CHPT1: variants seen among roughly 807,000 people sequenced by gnomAD.
The protein encoded by CHPT1 is choline phosphotransferase 1, also known as cholinephosphotransferase 1.
In CHPT1, 36 loss-of-function variants were observed where a neutral mutation model predicts 47.6. The observed-to-expected ratio is 0.76, with a 90% CI of 0.58 to 1.00. The LOEUF is 1.00. CHPT1 is among the 50% of genes least tolerant of loss of function. CHPT1 has a pLI of 0.00. For synonymous variants in CHPT1, 194 were observed against 186.3 expected (o/e 1.04, Z -0.33); for missense variants, 458 against 498.1 (o/e 0.92, Z 0.77).
chr12:101,721,142 G>A lies in CHPT1; in HGVS notation c.780+888G>A, dbSNP rs1219603691. ...ACCAAAAATACAAAAAAATTAGCTGGGCATGGTGGCCATGCTTTTGTAAAT... is the reference window on the plus strand; with the variant it reads ...ACCAAAAATACAAAAAAATTAGCTGAGCATGGTGGCCATGCTTTTGTAAAT... On this transcript the variant is annotated intron_variant, in intron 5 of 8. Coordinates refer to ENST00000229266, the MANE Select transcript of CHPT1 (RefSeq NM_020244.3). 3.3e-5 allele frequency among the ~76,000 whole-genome samples: 5 copies of A among 152,046 alleles called. No homozygotes were observed. In the East Asian group the frequency reaches 9.6e-4, roughly 29 times the overall value.
intron 2 of CHPT1, 121 bp downstream of exon 2, chr12:101,714,358 G>C: frequency 8.4e-7 from 1 of 1,191,032 alleles, no homozygotes; most frequent in Non-Finnish European, 1.2e-6. Context: ...TGTTTAAAAA[G>C]TATGTCAAGA....
chr12:101,698,037 T>C lies in CHPT1; in HGVS notation c.176T>C (p.Leu59Pro). Residue 59 changes from leucine (L) to proline (P), a missense_variant, in exon 1 of 9, where the codon CTC (leucine) becomes CCC (proline). By Grantham distance (98) the Leu-to-Pro change is moderately conservative (BLOSUM62 -3). Coordinates refer to ENST00000229266, the MANE Select transcript of CHPT1 (RefSeq NM_020244.3). ...ACCTGGCTGCTCCAGTGGATCCCGC[T>C]CTGGATGGCCCCCAACTCCATCACC... Reference protein sequence around the residue: ...YWTWLLQWIPLWMAPNSITLL... With the variant: ...YWTWLLQWIPPWMAPNSITLL... The C allele has an allele frequency of 6.3e-7, 1 of 1,580,798 alleles. No homozygotes were observed. The highest frequency in any genetic ancestry group is 8.5e-7 in the Non-Finnish European group (1 of 1,171,980).
intron 8 of CHPT1, chr12:101,728,577 T>G (rs1468561757): frequency 1.4e-5 from 3 of 212,398 alleles, no homozygotes; most frequent in Non-Finnish European, 2.8e-5. Context: ...CGTTTTTTCC[T>G]TAAAGAACAT....
intron 1 of CHPT1, among the ~76,000 whole-genome samples, chr12:101,701,008 G>A (rs1951546880): frequency 6.6e-6 from 1 of 152,090 alleles, no homozygotes; most frequent in Non-Finnish European, 1.5e-5. Context: ...ACTCATATAG[G>A]CTTTAATACT....
intron 5 of CHPT1, 55 bp from the exon 6 acceptor site, chr12:101,723,113 A>G (rs983175764): frequency 3.4e-6 from 5 of 1,487,638 alleles, no homozygotes; most frequent in East Asian, 2.3e-5. Context: ...AAATGTCTAC[A>G]TTGTAATAAA....
intron 1 of CHPT1, among the ~76,000 whole-genome samples, chr12:101,699,385 TC>T: frequency 3.7e-5 from 4 of 108,962 alleles, no homozygotes; most frequent in Admixed American, 1.1e-4. Flanking sequence ...ATTATGTATT[TC>T]TTTTCTTTTT....
chr12:101,700,765 C>T (rs1951544015), intron 1 of CHPT1, among the ~76,000 whole-genome samples: 1 of 152,216 alleles, frequency 6.6e-6, no homozygotes, highest in South Asian at 2.1e-4. Flanking sequence ...AATGGCCCTC[C>T]TACCACCTCA....
chr12:101,699,003 C>T (rs1951509518), intron 1 of CHPT1, among the ~76,000 whole-genome samples: 1 of 152,086 alleles, frequency 6.6e-6, no homozygotes, highest in Admixed American at 6.5e-5. Context: ...TGAGTGTAGG[C>T]CTTGTGGAGG....
At chr12:101,724,435 G>A (rs1338252734) in intron 7 of CHPT1, among the ~76,000 whole-genome samples, 1 of 152,056 alleles carries the variant, frequency 6.6e-6, no homozygotes, top group Non-Finnish European at 1.5e-5. Context: ...GTACAAAGAT[G>A]CCAAAAACCA....
chr12:101,716,906 T>C, intron 4 of CHPT1, 94 bp downstream of exon 4: 1 of 741,242 alleles, frequency 1.3e-6, no homozygotes, highest in Non-Finnish European at 2.0e-6. Context: ...TCCTTGGCAT[T>C]GTATTTAATT....
intron 1 of CHPT1, among the ~76,000 whole-genome samples, chr12:101,703,492 A>G (rs1482291551): frequency 6.6e-6 from 1 of 152,246 alleles, no homozygotes; most frequent in Non-Finnish European, 1.5e-5. Flanking sequence ...GCCGCAGCTT[A>G]TAACCTGCCT....
At chr12:101,706,255 C>T (rs1014439543) in intron 1 of CHPT1, among the ~76,000 whole-genome samples, 1 of 151,270 alleles carries the variant, frequency 6.6e-6, no homozygotes, top group Non-Finnish European at 1.5e-5. Context: ...GAGGCTGAGG[C>T]AGGAGAATCA....
intron 1 of CHPT1, among the ~76,000 whole-genome samples, chr12:101,699,324 A>G (rs1951515477): frequency 6.6e-6 from 1 of 151,064 alleles, no homozygotes; most frequent in Non-Finnish European, 1.5e-5. Flanking sequence ...AAAAACAAAA[A>G]TTTGATCGAG....
At chr12:101,708,707 G>A (rs1293879383) in intron 1 of CHPT1, among the ~76,000 whole-genome samples, 7 of 124,544 alleles carry the variant, frequency 5.6e-5, no homozygotes, top group African/African-American at 1.8e-4. Context: ...AGCAATTCTC[G>A]TGCCTCAGCC....
Position 101,697,897 on chromosome 12 carries a change from C to A in CHPT1, c.36C>A (p.Arg12=). The stretch of plus-strand genomic sequence containing the variant: ...GCGCCGGGGCCGGGTCCGCGCCGCG[C>A]TGGCTGAGGGCGCTGAGCGAGCCGC... ...AAGAGAGSAP[R]WLRALSEPLS... is the part of the protein sequence containing the mutation. The change falls in exon 1 of 9, where the codon CGC becomes CGA. Residue 12 remains arginine, a synonymous_variant. Coordinates refer to ENST00000229266, the MANE Select transcript of CHPT1 (RefSeq NM_020244.3). The A allele has an allele frequency of 7.9e-7, 1 of 1,269,804 alleles. No homozygotes were observed. The highest frequency in any genetic ancestry group is 9.9e-7 in the Non-Finnish European group (1 of 1,009,552). 78.7% of individuals were successfully genotyped at this position (1,269,804 alleles called of 1,614,324 possible).
chr12:101,720,156 C>T lies in CHPT1; in HGVS notation c.682C>T (p.Pro228Ser). Residue 228 changes from proline to serine, a missense_variant, in exon 5 of 9, where the codon CCA (proline) becomes TCA (serine). Physicochemically the swap from Pro to Ser is moderately conservative, Grantham distance 74 (BLOSUM62 -1). Transcript: ENST00000229266. ...TCTAGAAATAAAATTGAAGATCCTT[C>T]CAGTTCTTGGATTTCTAGGTGGAGT... is the stretch of plus-strand genomic sequence containing the variant. ...PILEIKLKIL[P>S]VLGFLGGVIF... is the part of the protein sequence containing the mutation. 1 of 1,597,110 alleles carries T rather than the reference C, an allele frequency of 6.3e-7. No individual in the cohort carries two copies. Among genetic ancestry groups the T allele is most frequent in the Non-Finnish European group, 8.6e-7 (1 of 1,168,384 alleles).
At chr12:101,723,011 T>C (rs997305215) in intron 5 of CHPT1, among the ~76,000 whole-genome samples, 157 bp from the exon 6 acceptor site, 3 of 152,234 alleles carry the variant, frequency 2.0e-5, no homozygotes, top group African/African-American at 4.8e-5. Context: ...CTATGAAACC[T>C]TGGAAAGCAC....
Position 101,697,787 on chromosome 12 carries a change from TC to T in CHPT1, c.-72del. On this transcript the variant is annotated 5_prime_UTR_variant, in exon 1 of 9. Coordinates refer to ENST00000229266, the MANE Select transcript of CHPT1 (RefSeq NM_020244.3). Reference sequence around the variant, plus strand: ...GTCGCAGGACCCGGCCGCCAGCCTCTCCCTCCACCTCTCCCTGCCCCCAGCG... The same window carrying T: ...GTCGCAGGACCCGGCCGCCAGCCTCTCCTCCACCTCTCCCTGCCCCCAGCG... The T allele has an allele frequency of 2.0e-6, 1 of 491,966 alleles. No homozygotes were observed. The highest frequency in any genetic ancestry group is 8.9e-5 in the South Asian group (1 of 11,288). The allele number at this position is 491,966 out of a possible 1,614,324, so 30.5% of individuals were successfully genotyped here. A position where few individuals can be genotyped will look rare whatever the true frequency, so the allele number is the denominator to read the frequency against.
intron 1 of CHPT1, among the ~76,000 whole-genome samples, chr12:101,712,590 T>G (rs1180250235): frequency 6.7e-6 from 1 of 148,678 alleles, no homozygotes; most frequent in Non-Finnish European, 1.5e-5. Flanking sequence ...GTTCAATTAT[T>G]TTTAGTCGTT....
Sources: allele counts gnomAD v4.1 joint callset (sites outside exome capture counted in the v4.1 genomes callset), GRCh38; gene constraint gnomAD v4.1.1; transcripts MANE v1.5; gene names NCBI Gene and HGNC (gene_info 2026-07-23, HGNC 2026-07-21).